Variants in OPCML observed in about 807,000 individuals in gnomAD.
OPCML encodes the protein opioid-binding protein/cell adhesion molecule.
OPCML carries 13 observed loss-of-function variants against 37.8 expected under a neutral mutation model. The observed-to-expected ratio is 0.34, with a 90% CI of 0.22 to 0.55. The LOEUF is 0.55. OPCML is among the 20% of genes least tolerant of loss of function. The probability of loss-of-function intolerance (pLI) is 0.91; values close to 1 mark genes in which losing one functional copy is unlikely to be tolerated. For missense variants in OPCML, 341 were observed against 435.6 expected (o/e 0.78, Z 1.93); for synonymous variants, 176 against 168.8 (o/e 1.04, Z -0.33).
intron 1 of OPCML, among the ~76,000 whole-genome samples, chr11:133,345,674 A>G (rs1315098917): frequency 6.6e-6 from 1 of 152,138 alleles, no homozygotes; most frequent in Non-Finnish European, 1.5e-5. Context: ...TCCTTCTGGT[A>G]CTTTTGGATT....
At chr11:132,868,207 C>T (rs1942648289) in intron 2 of OPCML, among the ~76,000 whole-genome samples, 1 of 146,810 alleles carries the variant, frequency 6.8e-6, no homozygotes, top group African/African-American at 2.5e-5. Context: ...AACTGGGCAA[C>T]AAGGTCAAAA....
intron 1 of OPCML, among the ~76,000 whole-genome samples, chr11:133,494,828 A>G (rs1284591095): frequency 1.3e-5 from 2 of 151,528 alleles, no homozygotes; most frequent in African/African-American, 4.9e-5. Context: ...ATATGTAACT[A>G]ACCTGCACAT....
chr11:132,919,220 C>T (rs909769466), intron 2 of OPCML, among the ~76,000 whole-genome samples: 2 of 152,152 alleles, frequency 1.3e-5, no homozygotes, highest in African/African-American at 2.4e-5. Flanking sequence ...ATTTACTAGG[C>T]AGGCTACCAG....
At chr11:132,977,533 C>T (rs1591870849) in intron 1 of OPCML, among the ~76,000 whole-genome samples, 1 of 152,216 alleles carries the variant, frequency 6.6e-6, no homozygotes, top group Non-Finnish European at 1.5e-5. Context: ...CGCATTCACT[C>T]ATGTGGCTCA....
At chr11:133,398,608 T>C (rs1448523982) in intron 1 of OPCML, among the ~76,000 whole-genome samples, 1 of 141,908 alleles carries the variant, frequency 7.0e-6, no homozygotes, top group African/African-American at 2.9e-5. Flanking sequence ...AATATCTTTT[T>C]TTAAAAAAAA....
At chr11:132,717,388 G>A (rs1043566638) in intron 2 of OPCML, among the ~76,000 whole-genome samples, 5 of 152,106 alleles carry the variant, frequency 3.3e-5, no homozygotes, top group African/African-American at 1.2e-4. Flanking sequence ...CATTACAGTT[G>A]TGTTTTAAGC....
chr11:133,458,820 C>CACGTGTGTGTGTATATACACATAGATGT (rs1946785822), intron 1 of OPCML, among the ~76,000 whole-genome samples: 1 of 150,346 alleles, frequency 6.7e-6, no homozygotes, highest in Non-Finnish European at 1.5e-5. Flanking sequence ...CACATAGATG[C>CACGTGTGTGTGTATATACACATAGATGT]ACGTGTGTGT....
At chr11:132,443,615 A>C (rs1449103588) in intron 4 of OPCML, among the ~76,000 whole-genome samples, 1 of 152,248 alleles carries the variant, frequency 6.6e-6, no homozygotes, top group Non-Finnish European at 1.5e-5. Flanking sequence ...AAGCTAGGTC[A>C]CAATTCAAGC....
At chr11:133,057,422 C>T (rs1224215774) in intron 1 of OPCML, among the ~76,000 whole-genome samples, 1 of 152,140 alleles carries the variant, frequency 6.6e-6, no homozygotes, top group Non-Finnish European at 1.5e-5. Flanking sequence ...CCAGTCTCTG[C>T]CCTTCCTGTC....
chr11:133,484,452 T>TGGC (rs1235042656), intron 1 of OPCML, among the ~76,000 whole-genome samples: 2 of 152,152 alleles, frequency 1.3e-5, no homozygotes, highest in African/African-American at 4.8e-5. Context: ...AAGGAGGGAT[T>TGGC]GGCAGATGCA....
At chr11:132,481,566 G>T (rs1361107255) in intron 4 of OPCML, among the ~76,000 whole-genome samples, 1 of 150,956 alleles carries the variant, frequency 6.6e-6, no homozygotes, top group Non-Finnish European at 1.5e-5. Context: ...GCACCAAGTG[G>T]ACCTAATAGA....
At chr11:132,880,133 C>T (rs1943172288) in intron 2 of OPCML, among the ~76,000 whole-genome samples, 1 of 152,126 alleles carries the variant, frequency 6.6e-6, no homozygotes, top group Admixed American at 6.5e-5. Context: ...TTCTTTCCTA[C>T]CTTCTCTCTT....
chr11:133,358,608 C>T (rs1299941353), intron 1 of OPCML, among the ~76,000 whole-genome samples: 1 of 152,152 alleles, frequency 6.6e-6, no homozygotes, highest in South Asian at 2.1e-4. Context: ...GACAGAGGTA[C>T]AAGGATGCAA....
intron 2 of OPCML, among the ~76,000 whole-genome samples, chr11:132,902,885 C>A (rs1285677944): frequency 6.6e-6 from 1 of 152,022 alleles, no homozygotes; most frequent in Non-Finnish European, 1.5e-5. Flanking sequence ...AAAGGCAACT[C>A]CGAGAAATTA....
At chr11:133,371,198 T>G (rs1164706431) in intron 1 of OPCML, among the ~76,000 whole-genome samples, 1 of 152,166 alleles carries the variant, frequency 6.6e-6, no homozygotes, top group African/African-American at 2.4e-5. Flanking sequence ...GAGGCTTTTG[T>G]ACACTGTGGT....
chr11:132,568,688 C>A (rs1354179354), intron 3 of OPCML, among the ~76,000 whole-genome samples: 2 of 152,164 alleles, frequency 1.3e-5, no homozygotes, highest in Non-Finnish European at 2.9e-5. Context: ...AATGGTCCTG[C>A]CAACACCTGG....
chr11:133,446,189 C>T (rs557934171), intron 1 of OPCML, among the ~76,000 whole-genome samples: 1 of 152,288 alleles, frequency 6.6e-6, no homozygotes, highest in Non-Finnish European at 1.5e-5. Context: ...TTAAGCATCT[C>T]TCTGACAAGA....
intron 1 of OPCML, among the ~76,000 whole-genome samples, chr11:133,272,266 A>AG (rs1158061644): frequency 9.9e-5 from 15 of 151,974 alleles, no homozygotes; most frequent in Admixed American, 5.9e-4. Flanking sequence ...AAAAAAAAAA[A>AG]AAAGAAAACT....
chr11:132,668,417 T>G (rs1285086420), intron 2 of OPCML, among the ~76,000 whole-genome samples: 1 of 152,216 alleles, frequency 6.6e-6, no homozygotes, highest in Non-Finnish European at 1.5e-5. Flanking sequence ...ATAAGCATTT[T>G]GTTTAACCTC....
Sources: allele counts gnomAD v4.1 joint callset (sites outside exome capture counted in the v4.1 genomes callset), GRCh38; gene constraint gnomAD v4.1.1; transcripts MANE v1.5; gene names NCBI Gene and HGNC (gene_info 2026-07-23, HGNC 2026-07-21).